The following SCD5 variants were observed in gnomAD, a reference collection of about 807,000 sequenced individuals.
SCD5 encodes the protein acyl-CoA-desaturase 4.
In SCD5, 20 loss-of-function variants were observed where a neutral mutation model predicts 30.4. The observed-to-expected ratio is 0.66, with a 90% CI of 0.46 to 0.96. SCD5 has a LOEUF of 0.96. Ranked by LOEUF, SCD5 falls within the 40% of genes least tolerant of loss-of-function variation. SCD5 has a pLI of 0.00. For synonymous variants in SCD5, 173 were observed against 176.4 expected, an observed-to-expected ratio of 0.98 and a Z score of 0.16; for missense variants, 381 against 443.3, an observed-to-expected ratio of 0.86 and a Z score of 1.26.
At chr4:82,742,434 G>C (rs1289880283) in intron 1 of SCD5, among the ~76,000 whole-genome samples, 1 of 152,190 alleles carries the variant, frequency 6.6e-6, no homozygotes, top group African/African-American at 2.4e-5. Flanking sequence ...ACTAGAGGTG[G>C]GCACAGGATT....
At chr4:82,720,960 T>C (rs558561403) in intron 1 of SCD5, among the ~76,000 whole-genome samples, 4 of 152,172 alleles carry the variant, frequency 2.6e-5, no homozygotes, top group Non-Finnish European at 5.9e-5. Flanking sequence ...TAGGCCAACC[T>C]GGGCAAAACG....
intron 2 of SCD5, among the ~76,000 whole-genome samples, chr4:82,682,127 C>A (rs543997781): frequency 6.6e-5 from 10 of 152,314 alleles, no homozygotes; most frequent in Admixed American, 3.9e-4. Flanking sequence ...AGGAACAGGG[C>A]AGCACTCACT....
At chr4:82,748,713 G>C (rs535829239) in intron 1 of SCD5, among the ~76,000 whole-genome samples, 24 of 152,272 alleles carry the variant, frequency 1.6e-4, no homozygotes, top group Non-Finnish European at 2.9e-4. Context: ...CCGAGGTTAG[G>C]GGAAGAAGAA....
chr4:82,777,188 T>C (rs1721761260), intron 1 of SCD5, among the ~76,000 whole-genome samples: 1 of 152,172 alleles, frequency 6.6e-6, no homozygotes, highest in Non-Finnish European at 1.5e-5. Context: ...TGATCTCCAT[T>C]GTACAGATGA....
intron 3 of SCD5, among the ~76,000 whole-genome samples, chr4:82,652,566 G>A (rs953511505): frequency 1.3e-5 from 2 of 152,138 alleles, no homozygotes; most frequent in African/African-American, 4.8e-5. Flanking sequence ...ATTCTACCAT[G>A]CATAGAGATA....
At chr4:82,791,090 T>C (rs923986092) in intron 1 of SCD5, among the ~76,000 whole-genome samples, 1 of 151,956 alleles carries the variant, frequency 6.6e-6, no homozygotes, top group Non-Finnish European at 1.5e-5. Context: ...ATAAAAAAAT[T>C]AGCCGGGCGT....
At chr4:82,747,070 C>CCCCCCCCG (rs139103265) in intron 1 of SCD5, among the ~76,000 whole-genome samples, 1 of 34,772 alleles carries the variant, frequency 2.9e-5, no homozygotes. Context: ...GGGCAACCTG[C>CCCCCCCCG]CCCCCAAGAA....
intron 1 of SCD5, among the ~76,000 whole-genome samples, chr4:82,752,007 A>G (rs1204769462): frequency 2.6e-5 from 4 of 152,264 alleles, no homozygotes; most frequent in Non-Finnish European, 4.4e-5. Context: ...TTCTAAAAAT[A>G]GAACAGTGAC....
intron 2 of SCD5, among the ~76,000 whole-genome samples, chr4:82,698,933 T>G (rs1242705019): frequency 6.6e-6 from 1 of 152,224 alleles, no homozygotes; most frequent in East Asian, 1.9e-4. Flanking sequence ...TACTGTAATA[T>G]ACACGTTATG....
intron 3 of SCD5, among the ~76,000 whole-genome samples, chr4:82,665,932 A>G (rs2148818008): frequency 6.6e-6 from 1 of 152,334 alleles, no homozygotes; most frequent in Non-Finnish European, 1.5e-5. Context: ...TGGAAGGATT[A>G]CAAATTATTT....
intron 3 of SCD5, among the ~76,000 whole-genome samples, chr4:82,669,016 C>A (rs1246790620): frequency 6.6e-6 from 1 of 152,086 alleles, no homozygotes; most frequent in Non-Finnish European, 1.5e-5. Context: ...GGTAGAGGGA[C>A]CTTCATGGCA....
chr4:82,750,008 G>A (rs1324369601), intron 1 of SCD5, among the ~76,000 whole-genome samples: 2 of 152,200 alleles, frequency 1.3e-5, no homozygotes, highest in Non-Finnish European at 2.9e-5. Flanking sequence ...CTGTATAACT[G>A]TAGCAAGTTA....
intron 1 of SCD5, among the ~76,000 whole-genome samples, chr4:82,758,448 G>A (rs1021142983): frequency 2.0e-5 from 3 of 152,156 alleles, no homozygotes; most frequent in Admixed American, 6.5e-5. Flanking sequence ...CACAGAGCGA[G>A]ACTCTGTGGG....
At chr4:82,701,371 CAG>C (rs1390783757) in intron 2 of SCD5, among the ~76,000 whole-genome samples, 4 of 151,950 alleles carry the variant, frequency 2.6e-5, no homozygotes, top group Non-Finnish European at 5.9e-5. Flanking sequence ...AAATGGAAAA[CAG>C]AAACTTGGTA....
chr4:82,710,395 T>C (rs1720056392), intron 1 of SCD5, among the ~76,000 whole-genome samples: 1 of 152,184 alleles, frequency 6.6e-6, no homozygotes, highest in African/African-American at 2.4e-5. Context: ...AATGTCATCC[T>C]TTCATGTGAA....
chr4:82,642,702 G>A (rs540078809), intron 3 of SCD5, among the ~76,000 whole-genome samples: 5 of 152,324 alleles, frequency 3.3e-5, no homozygotes, highest in Admixed American at 6.5e-5. Context: ...CTAGATCAGG[G>A]CTCGCAGCCC....
At chr4:82,785,563 C>T (rs146653418) in intron 1 of SCD5, among the ~76,000 whole-genome samples, 38 of 152,166 alleles carry the variant, frequency 2.5e-4, no homozygotes, top group Non-Finnish European at 5.6e-4. Flanking sequence ...TCCTGGTTAC[C>T]TCCCATGTAT....
At chr4:82,737,738 T>C (rs1157391646) in intron 1 of SCD5, among the ~76,000 whole-genome samples, 1 of 152,238 alleles carries the variant, frequency 6.6e-6, no homozygotes, top group East Asian at 1.9e-4. Context: ...TGTGCCTTTC[T>C]ATTAAGGCAG....
At chr4:82,797,804 C>A (rs1222756804) in intron 1 of SCD5, among the ~76,000 whole-genome samples, 2 of 152,168 alleles carry the variant, frequency 1.3e-5, no homozygotes, top group East Asian at 3.9e-4. Flanking sequence ...TGTGCCGGGT[C>A]TCTCCTCCCC....
Sources: allele counts gnomAD v4.1 joint callset (sites outside exome capture counted in the v4.1 genomes callset), GRCh38; gene constraint gnomAD v4.1.1; transcripts MANE v1.5; gene names NCBI Gene and HGNC (gene_info 2026-07-23, HGNC 2026-07-21).